The following PLS3 variants were observed in gnomAD, a reference collection of about 807,000 sequenced individuals.
PLS3 encodes the protein plastin 3.
In PLS3, 11 loss-of-function variants were observed where a neutral mutation model predicts 46.5. The observed-to-expected ratio is 0.24, with a 90% CI of 0.15 to 0.39. The LOEUF is 0.39. Among genes scored for constraint, PLS3 ranks in the 10% least tolerant of loss-of-function variants. PLS3 has a pLI of 1.00. For missense variants in PLS3, 308 were observed against 461.8 expected, an observed-to-expected ratio of 0.67 and a Z score of 3.05; for synonymous variants, 167 against 162.2, an observed-to-expected ratio of 1.03 and a Z score of -0.22.
At position 115,647,648 on chromosome X, in the gene PLS3, A is replaced by T; in HGVS notation, c.1610A>T (p.Lys537Ile). The T allele has an allele frequency of 8.3e-7, 1 of 1,206,581 alleles. No individual in the cohort carries two copies. The highest frequency in any genetic ancestry group is 1.1e-6 in the Non-Finnish European group (1 of 891,041). ...AACAGAACGTTGAGTGAAGCTGGAA[A>T]ATCAACTTCCATTCAGAGTTTTAAG... ...WVNRTLSEAGKSTSIQSFKDK... is the reference protein window; with the variant it reads ...WVNRTLSEAGISTSIQSFKDK... The change falls in exon 14 of 16, where the codon AAA becomes ATA. Residue 537 changes from lysine to isoleucine, a missense_variant. Transcript: ENST00000355899.
At chrX:115,578,812 T>G (rs1490423076) in intron 1 of PLS3, among the ~76,000 whole-genome samples, 1 of 111,464 alleles carries the variant, frequency 9.0e-6, no homozygotes, top group Non-Finnish European at 1.9e-5. Context: ...ATTCTGTGTT[T>G]AATTCTGAAT....
chrX:115,647,855 G>A, intron 14 of PLS3, 38 bp from the exon 15 acceptor site: 1 of 1,195,762 alleles, frequency 8.4e-7, no homozygotes, highest in Non-Finnish European at 1.1e-6. Context: ...TAATTTGTAT[G>A]TATCAAAATT....
intron 2 of PLS3, among the ~76,000 whole-genome samples, chrX:115,614,732 A>G (rs1343442482): frequency 2.7e-5 from 3 of 112,173 alleles, no homozygotes; most frequent in African/African-American, 6.5e-5. Flanking sequence ...TTTCATGGGC[A>G]TTCAGGATTG....
chrX:115,627,179 G>A (rs782624304), intron 3 of PLS3, among the ~76,000 whole-genome samples: 21 of 111,249 alleles, frequency 1.9e-4, no homozygotes, highest in Non-Finnish European at 3.6e-4. Context: ...TTATTAGTTC[G>A]AATTCCCAGA....
chrX:115,640,170 T>C, intron 8 of PLS3: 9 of 979,624 alleles, frequency 9.2e-6, no homozygotes, highest in Middle Eastern at 2.6e-4. Flanking sequence ...TTAGCATTAT[T>C]GTATTGATGA....
chrX:115,624,271 T>G (rs1281483177), intron 3 of PLS3: 3 of 106,578 alleles, frequency 2.8e-5, no homozygotes, highest in Non-Finnish European at 5.8e-5. Context: ...TGTGTCATAA[T>G]TATAATGATA....
chrX:115,574,428 C>A (rs1333271150), intron 1 of PLS3, among the ~76,000 whole-genome samples: 15 of 111,646 alleles, frequency 1.3e-4, no homozygotes, highest in Non-Finnish European at 2.8e-4. Flanking sequence ...GTTTATTTTT[C>A]CTTTAGGTTT....
intron 1 of PLS3, chrX:115,562,863 G>A (rs2074148921): frequency 9.1e-6 from 1 of 109,560 alleles, no homozygotes; most frequent in South Asian, 4.0e-4. Context: ...GGAGGAGTGT[G>A]AACTAGCTTC....
At chrX:115,579,965 G>T (rs897739019) in intron 1 of PLS3, among the ~76,000 whole-genome samples, 2 of 111,436 alleles carry the variant, frequency 1.8e-5, no homozygotes, top group African/African-American at 3.3e-5. Flanking sequence ...GCAGTACTCC[G>T]CCCTTGGCCT....
intron 13 of PLS3, 89 bp downstream of exon 13, chrX:115,646,624 A>G (rs782552205): frequency 5.1e-6 from 4 of 781,828 alleles, no homozygotes; most frequent in African/African-American, 4.2e-5. Context: ...GGATATGTCG[A>G]TAACTACACT....
At chrX:115,649,135 G>A (rs1361394348) in intron 15 of PLS3, among the ~76,000 whole-genome samples, 2 of 111,497 alleles carry the variant, frequency 1.8e-5, no homozygotes, top group African/African-American at 6.5e-5. Context: ...GACAGCCTAG[G>A]TAATTATATA....
At chrX:115,643,077 A>G (rs190089520) in intron 9 of PLS3, among the ~76,000 whole-genome samples, 3 of 111,578 alleles carry the variant, frequency 2.7e-5, no homozygotes, top group African/African-American at 6.5e-5. Flanking sequence ...TCTTAATGCA[A>G]TTTAGTTAAA....
chrX:115,629,992 C>G, intron 5 of PLS3, 25 bp downstream of exon 5: 1 of 1,095,084 alleles, frequency 9.1e-7, no homozygotes, highest in Non-Finnish European at 1.2e-6. Context: ...TGTTTTATAT[C>G]CAGATATCCA....
At chrX:115,645,255 A>G (rs2074939355) in intron 11 of PLS3, among the ~76,000 whole-genome samples, 156 bp downstream of exon 11, 1 of 112,269 alleles carries the variant, frequency 8.9e-6, no homozygotes, top group South Asian at 3.7e-4. Flanking sequence ...CCAAATACAC[A>G]AAAGCTTTAA....
chrX:115,586,390 G>A (rs782733655), intron 1 of PLS3, among the ~76,000 whole-genome samples: 1 of 105,876 alleles, frequency 9.4e-6, no homozygotes, highest in African/African-American at 3.4e-5. Flanking sequence ...TTCTAAACAG[G>A]CCGGGCGCTG....
intron 1 of PLS3, among the ~76,000 whole-genome samples, chrX:115,567,173 G>A (rs781834511): frequency 3.2e-4 from 36 of 111,543 alleles, no homozygotes; most frequent in Non-Finnish European, 5.5e-4. Context: ...GGGAGGTTTC[G>A]TGTAAAAAAC....
chrX:115,638,974 A>C (rs1278474210), intron 8 of PLS3, among the ~76,000 whole-genome samples: 2 of 111,339 alleles, frequency 1.8e-5, no homozygotes, highest in African/African-American at 3.3e-5. Flanking sequence ...TCGGCCTCCC[A>C]AAGTGCTGGG....
intron 1 of PLS3, among the ~76,000 whole-genome samples, chrX:115,600,870 G>A (rs782042551): frequency 9.0e-6 from 1 of 111,149 alleles, no homozygotes; most frequent in South Asian, 3.9e-4. Context: ...TGAAGGGTGA[G>A]TAGAATTTGG....
chrX:115,587,397 T>TGC (rs782790732), intron 1 of PLS3, among the ~76,000 whole-genome samples: 1 of 112,289 alleles, frequency 8.9e-6, no homozygotes, highest in East Asian at 2.8e-4. Flanking sequence ...GGAAAGCACT[T>TGC]GCGCAGCTGT....
Sources: gnomAD v4.1 joint callset for allele counts (sites outside exome capture counted in the v4.1 genomes callset) on GRCh38, gnomAD v4.1.1 for gene constraint, MANE v1.5 for transcripts, NCBI Gene and HGNC (gene_info 2026-07-23, HGNC 2026-07-21) for gene names.